Variants in SLC7A1 observed in about 807,000 individuals in gnomAD.
SLC7A1 encodes the protein high affinity cationic amino acid transporter 1.
In SLC7A1, 10 loss-of-function variants were observed where a neutral mutation model predicts 53.9. The ratio of observed to expected loss-of-function variants is 0.19; its 90% confidence interval spans 0.11 to 0.31. SLC7A1 has a LOEUF of 0.31. Among genes scored for constraint, SLC7A1 ranks in the 10% least tolerant of loss-of-function variants. The pLI is 1.00. For synonymous variants in SLC7A1, 342 were observed against 338.7 expected (o/e 1.01, Z -0.11); for missense variants, 525 against 827.2 (o/e 0.63, Z 4.48).
intron 1 of SLC7A1, among the ~76,000 whole-genome samples, chr13:29,579,014 G>A (rs1169620469): frequency 1.3e-5 from 2 of 152,164 alleles, no homozygotes; most frequent in East Asian, 3.9e-4. Context: ...ACCATGAAGG[G>A]TTTTCTACAA....
At chr13:29,591,312 A>C (rs1872099453) in intron 1 of SLC7A1, among the ~76,000 whole-genome samples, 1 of 152,218 alleles carries the variant, frequency 6.6e-6, no homozygotes, top group Non-Finnish European at 1.5e-5. Flanking sequence ...TATGAAAAAG[A>C]ATTTAAATGT....
chr13:29,523,367 G>A lies in SLC7A1; in HGVS notation c.948C>T (p.Cys316=), dbSNP rs1566254611. ...AALTLMMPYF[C]LDNNSPLPDA... The stretch of plus-strand genomic sequence containing the variant: ...CGGGCAGGGGGCTGTTATTGTCCAG[G>A]CAGAAGTAGGGCATCATGAGCGTGA... Residue 316 remains cysteine (C), a synonymous_variant, in exon 7 of 13, where the codon TGC becomes TGT. Coordinates refer to ENST00000380752, the MANE Select transcript of SLC7A1 (RefSeq NM_003045.5). 1.2e-6 allele frequency: 2 copies of A among 1,613,776 alleles called. No individual in the cohort carries two copies. The highest frequency in any genetic ancestry group is 1.7e-6 in the Non-Finnish European group (2 of 1,179,996).
At chr13:29,522,606 A>G in intron 7 of SLC7A1, 150 bp from the exon 8 acceptor site, 4 of 713,256 alleles carry the variant, frequency 5.6e-6, no homozygotes, top group Non-Finnish European at 9.4e-6. Flanking sequence ...GCCTGTGGCT[A>G]AAAGACTTGG....
chr13:29,569,137 C>A (rs1386792688), intron 1 of SLC7A1, among the ~76,000 whole-genome samples: 1 of 152,144 alleles, frequency 6.6e-6, no homozygotes, highest in Non-Finnish European at 1.5e-5. Flanking sequence ...ATCCTGTTTG[C>A]CCCCAGAGCC....
chr13:29,526,740 A>G (rs1023561352), intron 5 of SLC7A1, among the ~76,000 whole-genome samples: 1 of 152,186 alleles, frequency 6.6e-6, no homozygotes, highest in African/African-American at 2.4e-5. Flanking sequence ...CAACAATAAA[A>G]GCATGGAGAG....
chr13:29,564,168 C>T (rs1300128497), intron 1 of SLC7A1, among the ~76,000 whole-genome samples: 3 of 152,106 alleles, frequency 2.0e-5, no homozygotes, highest in Non-Finnish European at 4.4e-5. Context: ...AGTCATTTCC[C>T]GCCTTCCATT....
At chr13:29,526,717 G>A (rs1338736404) in intron 5 of SLC7A1, among the ~76,000 whole-genome samples, 1 of 152,138 alleles carries the variant, frequency 6.6e-6, no homozygotes, top group African/African-American at 2.4e-5. Context: ...CACGCAGACA[G>A]GTAAAGCACA....
intron 1 of SLC7A1, among the ~76,000 whole-genome samples, chr13:29,572,285 G>T (rs1457518277): frequency 6.6e-6 from 1 of 152,242 alleles, no homozygotes; most frequent in Non-Finnish European, 1.5e-5. Flanking sequence ...TCAGGGCAGA[G>T]CCAGGACGCT....
intron 2 of SLC7A1, 121 bp from the exon 3 acceptor site, chr13:29,536,323 C>T (rs937295741): frequency 2.5e-5 from 25 of 1,018,814 alleles, no homozygotes; most frequent in Non-Finnish European, 3.2e-5. Context: ...CCTGCTAAAA[C>T]GCTTTAATTC....
intron 2 of SLC7A1, among the ~76,000 whole-genome samples, chr13:29,537,505 A>G (rs1410282347): frequency 6.6e-6 from 1 of 152,232 alleles, no homozygotes; most frequent in Admixed American, 6.5e-5. Flanking sequence ...CTGGGACAGA[A>G]AAAGGACACC....
At chr13:29,544,569 T>G (rs1177295930) in intron 2 of SLC7A1, among the ~76,000 whole-genome samples, 2 of 152,154 alleles carry the variant, frequency 1.3e-5, no homozygotes, top group Non-Finnish European at 2.9e-5. Flanking sequence ...GGTTGCACAT[T>G]AGAATCATCT....
intron 4 of SLC7A1, among the ~76,000 whole-genome samples, chr13:29,532,428 T>C (rs1869204658): frequency 6.6e-6 from 1 of 152,216 alleles, no homozygotes; most frequent in African/African-American, 2.4e-5. Context: ...ACGGAGCTCA[T>C]TCCTCCACAT....
intron 5 of SLC7A1, among the ~76,000 whole-genome samples, chr13:29,528,131 T>C (rs1040668146): frequency 6.6e-6 from 1 of 152,234 alleles, no homozygotes; most frequent in Non-Finnish European, 1.5e-5. Flanking sequence ...CCTGGATTCC[T>C]GGCTGGGTGA....
chr13:29,536,217 C>G lies in SLC7A1; in HGVS notation c.-14-15G>C, dbSNP rs755612077. 4.4e-6 allele frequency: 7 copies of G among 1,590,598 alleles called. No homozygotes were observed. Among genetic ancestry groups the G allele is most frequent in the Non-Finnish European group, 6.0e-6 (7 of 1,164,842 alleles). ...GCTGTTCAGAGCTGTTGAAAAAGAACAAAGATGTTTCCTGATTGCTCCTCA... is the reference window on the plus strand; with the variant it reads ...GCTGTTCAGAGCTGTTGAAAAAGAAGAAAGATGTTTCCTGATTGCTCCTCA... On this transcript the variant is annotated splice_polypyrimidine_tract_variant and intron_variant, in intron 2 of 12. Transcript: ENST00000380752.
chr13:29,519,977 A>AGAC (rs1254657753), intron 8 of SLC7A1, among the ~76,000 whole-genome samples: 1 of 152,046 alleles, frequency 6.6e-6, no homozygotes, highest in African/African-American at 2.4e-5. Context: ...GCTGATTCAC[A>AGAC]GACTCATGTG....
intron 1 of SLC7A1, among the ~76,000 whole-genome samples, chr13:29,574,535 T>A (rs1411049236): frequency 6.6e-6 from 1 of 152,194 alleles, no homozygotes; most frequent in Non-Finnish European, 1.5e-5. Context: ...GAATGGAGGC[T>A]GTCTTCTCAA....
rs75910149 is a variant in SLC7A1, at chr13:29,569,090, G to A, written c.-114-15230C>T. ...ACTTGTTTTTGTCCTCAGCTCAGCC[G>A]AGGGCACCTGGCTCTCTGCCCCATG... On this transcript the variant is annotated intron_variant, in intron 1 of 12. Transcript: ENST00000380752. Among the ~76,000 whole-genome samples the A allele has an allele frequency of 5.7e-3, 870 of 152,222 alleles. 1 individual carries two copies. Among genetic ancestry groups the A allele is most frequent in the Middle Eastern group, 0.014 (4 of 294 alleles).
Position 29,532,978 on chromosome 13 carries a change from A to G in SLC7A1, c.375T>C (p.Thr125=). 1 of 1,611,482 alleles carries G rather than the reference A, an allele frequency of 6.2e-7. No individual in the cohort carries two copies. The highest frequency in any genetic ancestry group is 8.5e-7 in the Non-Finnish European group (1 of 1,179,108). ...WNLILSYIIG[T]SSVARAWSAT... is the part of the protein sequence containing the mutation. ...CGCTCCAGGCCCTCGCTACGCTTGAAGTACCTGCCACAAAGCACACACAAC... is the reference window on the plus strand; with the variant it reads ...CGCTCCAGGCCCTCGCTACGCTTGAGGTACCTGCCACAAAGCACACACAAC... The change falls in exon 4 of 13, where the codon ACT becomes ACC. Residue 125 remains threonine (T), a synonymous_variant. Coordinates refer to ENST00000380752, the MANE Select transcript of SLC7A1 (RefSeq NM_003045.5).
In SLC7A1 at chr13:29,523,274, A is replaced by C; in HGVS notation, c.1041T>G (p.Leu347=). Residue 347 remains leucine, a synonymous_variant, in exon 7 of 13, where the codon CTT becomes CTG. Transcript: ENST00000380752. ...YAVAVGSLCA[L]SASLLGSMFP... is the part of the protein sequence containing the mutation. Reference sequence around the variant, plus strand: ...ACAGAAAGGCCTCTCACCTGGCGGAAAGAGCGCAGAGGGAGCCCACGGCCA... The same window carrying C: ...ACAGAAAGGCCTCTCACCTGGCGGACAGAGCGCAGAGGGAGCCCACGGCCA... 6.2e-7 allele frequency: 1 copy of C among 1,613,118 alleles called. No homozygotes were observed. The highest frequency in any genetic ancestry group is 1.1e-5 in the South Asian group (1 of 91,066).
Sources: gnomAD v4.1 joint callset for allele counts (sites outside exome capture counted in the v4.1 genomes callset) on GRCh38, gnomAD v4.1.1 for gene constraint, MANE v1.5 for transcripts, NCBI Gene and HGNC (gene_info 2026-07-23, HGNC 2026-07-21) for gene names.